Variants in FSTL4 observed in about 807,000 individuals in gnomAD.
The protein encoded by FSTL4 is follistatin like 4.
In FSTL4, 28 loss-of-function variants were observed where a neutral mutation model predicts 78.2. The ratio of observed to expected loss-of-function variants is 0.36; its 90% CI spans 0.27 to 0.49. The LOEUF is 0.49. Ranked by LOEUF, FSTL4 falls within the 20% of genes least tolerant of loss-of-function variation. The pLI is 0.98. For missense variants in FSTL4, 922 were observed against 1,084.9 expected (o/e 0.85, Z 2.11); for synonymous variants, 422 against 440.5 (o/e 0.96, Z 0.53).
chr5:133,816,534 C>T, the FSTL4 span, among the ~76,000 whole-genome samples: 6,955 of 152,222 alleles, frequency 0.046, 178 homozygotes, highest in East Asian at 0.093. Context: ...GCACATCGAT[C>T]GGCTCCCAGG....
the FSTL4 span, among the ~76,000 whole-genome samples, chr5:133,696,992 C>A: frequency 6.6e-6 from 1 of 152,208 alleles, no homozygotes; most frequent in African/African-American, 2.4e-5. Context: ...TTGGACCAGA[C>A]AATGCAGCTA....
intron 3 of FSTL4, among the ~76,000 whole-genome samples, chr5:133,433,370 G>A (rs985908466): frequency 6.6e-6 from 1 of 152,212 alleles, no homozygotes; most frequent in Non-Finnish European, 1.5e-5. Context: ...GGGTACCCAC[G>A]CAAGGGTAGG....
At chr5:133,245,334 G>T (rs1752008595) in intron 7 of FSTL4, among the ~76,000 whole-genome samples, 2 of 152,156 alleles carry the variant, frequency 1.3e-5, no homozygotes, top group African/African-American at 4.8e-5. Flanking sequence ...CCTCTTGGAT[G>T]CATGTTTAAT....
At chr5:133,456,744 C>T (rs1224986863) in intron 3 of FSTL4, among the ~76,000 whole-genome samples, 1 of 152,156 alleles carries the variant, frequency 6.6e-6, no homozygotes, top group African/African-American at 2.4e-5. Flanking sequence ...ACAAGTAACA[C>T]ACCACATAAG....
intron 4 of FSTL4, among the ~76,000 whole-genome samples, chr5:133,393,140 G>C (rs1755896892): frequency 1.3e-5 from 2 of 152,336 alleles, no homozygotes; most frequent in Admixed American, 6.5e-5. Flanking sequence ...GGGGCTATGA[G>C]TGAACTGTCA....
intron 4 of FSTL4, among the ~76,000 whole-genome samples, chr5:133,368,871 C>T (rs1385145481): frequency 3.3e-5 from 5 of 152,184 alleles, no homozygotes; most frequent in Non-Finnish European, 5.9e-5. Context: ...GTCATCTAGC[C>T]CATTCTAATA....
Position 133,196,647 on chromosome 5 carries a change from C to T in FSTL4, c.*2448G>A, listed in dbSNP as rs1032804598. The T allele has an allele frequency of 6.6e-6, 1 of 152,196 alleles. No individual in the cohort carries two copies. Among genetic ancestry groups the T allele is most frequent in the African/African-American group, 2.4e-5 (1 of 41,432 alleles). The allele number at this position is 152,196 out of a possible 1,614,324, so 9.4% of individuals were successfully genotyped here. A position where few individuals can be genotyped will look rare whatever the true frequency, so the allele number is the denominator to read the frequency against. ...GCCCCCCTGTAGTGAGGCATTTCCT[C>T]CCAGTGGCTTTCCAACTGTGTCCCA... On this transcript the variant is annotated 3_prime_UTR_variant, in exon 16 of 16. Transcript: ENST00000265342.
intron 4 of FSTL4, among the ~76,000 whole-genome samples, chr5:133,335,576 C>T (rs1291987744): frequency 1.3e-5 from 2 of 151,976 alleles, no homozygotes; most frequent in African/African-American, 4.8e-5. Flanking sequence ...GCCTCCTCTA[C>T]CTGAAATGTC....
chr5:133,558,098 C>A (rs1008070645), intron 3 of FSTL4, among the ~76,000 whole-genome samples: 1 of 152,180 alleles, frequency 6.6e-6, no homozygotes, highest in Non-Finnish European at 1.5e-5. Context: ...CATCTGTCTG[C>A]AGGACGCTTG....
intron 3 of FSTL4, among the ~76,000 whole-genome samples, chr5:133,528,083 A>G (rs1759173089): frequency 6.6e-6 from 1 of 152,238 alleles, no homozygotes; most frequent in Non-Finnish European, 1.5e-5. Context: ...TCAGGTGTAC[A>G]CAGTGGAACA....
At chr5:133,306,069 G>T (rs1055027793) in intron 6 of FSTL4, among the ~76,000 whole-genome samples, 3 of 152,260 alleles carry the variant, frequency 2.0e-5, no homozygotes, top group Non-Finnish European at 2.9e-5. Context: ...TTGCTCCAGA[G>T]GCCTGCCTTG....
chr5:133,526,865 C>T (rs922180784), intron 3 of FSTL4, among the ~76,000 whole-genome samples: 1 of 152,168 alleles, frequency 6.6e-6, no homozygotes, highest in Non-Finnish European at 1.5e-5. Context: ...AAGTTTTGAG[C>T]TTGAGTGGAC....
At chr5:133,385,936 T>G (rs901683640) in intron 4 of FSTL4, among the ~76,000 whole-genome samples, 4 of 152,072 alleles carry the variant, frequency 2.6e-5, no homozygotes, top group African/African-American at 7.2e-5. Context: ...TGTGTGTGTT[T>G]TTTTTTTAAA....
intron 3 of FSTL4, among the ~76,000 whole-genome samples, chr5:133,552,764 T>G (rs1052768934): frequency 1.3e-5 from 2 of 152,134 alleles, no homozygotes; most frequent in African/African-American, 4.8e-5. Context: ...GCAGACAGGC[T>G]TGGTGAGTTT....
At chr5:133,606,494 G>A (rs1222176294) in intron 1 of FSTL4, among the ~76,000 whole-genome samples, 1 of 152,166 alleles carries the variant, frequency 6.6e-6, no homozygotes, top group Non-Finnish European at 1.5e-5. Flanking sequence ...TCTGAATGCA[G>A]AGCCACTTTC....
At chr5:133,359,888 C>G (rs1254004661) in intron 4 of FSTL4, among the ~76,000 whole-genome samples, 1 of 152,212 alleles carries the variant, frequency 6.6e-6, no homozygotes, top group Non-Finnish European at 1.5e-5. Flanking sequence ...CCAAGGAGGC[C>G]AGGGCAGGTG....
At chr5:133,441,637 T>C (rs1237085870) in intron 3 of FSTL4, among the ~76,000 whole-genome samples, 1 of 152,070 alleles carries the variant, frequency 6.6e-6, no homozygotes, top group East Asian at 1.9e-4. Context: ...TCCAGGGAAA[T>C]TGAGTCACTT....
chr5:133,625,533 G>T, the FSTL4 span, among the ~76,000 whole-genome samples: 13 of 149,750 alleles, frequency 8.7e-5, no homozygotes, highest in Non-Finnish European at 1.8e-4. Flanking sequence ...CTTAAGGTTT[G>T]GTGTCAATTT....
At chr5:133,600,689 G>T (rs1012116556) in intron 2 of FSTL4, among the ~76,000 whole-genome samples, 2 of 152,152 alleles carry the variant, frequency 1.3e-5, no homozygotes, top group African/African-American at 4.8e-5. Context: ...ACACACACGC[G>T]TTGGTCATTT....
Sources: gnomAD v4.1 joint callset for allele counts (sites outside exome capture counted in the v4.1 genomes callset) on GRCh38, gnomAD v4.1.1 for gene constraint, MANE v1.5 for transcripts, NCBI Gene and HGNC (gene_info 2026-07-23, HGNC 2026-07-21) for gene names.